The following CCDC3 variants were observed in gnomAD, a reference collection of about 807,000 sequenced individuals.
CCDC3 encodes coiled-coil domain-containing protein 3.
A neutral mutation model predicts 21.4 loss-of-function variants in CCDC3; 24 were observed. The ratio of observed to expected loss-of-function variants is 1.12; its 90% CI spans 0.81 to 1.58. The LOEUF is 1.58. Ranked by LOEUF, CCDC3 falls within the 40% of genes most tolerant of loss-of-function variation. CCDC3 has a pLI of 0.00. For missense variants in CCDC3, 425 were observed against 360.9 expected, an observed-to-expected ratio of 1.18 and a Z score of -1.44; for synonymous variants, 186 against 166.0, an observed-to-expected ratio of 1.12 and a Z score of -0.93.
intron 2 of CCDC3, among the ~76,000 whole-genome samples, chr10:12,958,368 G>A (rs1365964130): frequency 6.6e-6 from 1 of 152,112 alleles, no homozygotes; most frequent in Non-Finnish European, 1.5e-5. Flanking sequence ...AGCTGCAGGT[G>A]CCAAAAACCA....
intron 2 of CCDC3, among the ~76,000 whole-genome samples, chr10:12,924,224 T>C (rs927865471): frequency 2.0e-5 from 3 of 152,252 alleles, no homozygotes; most frequent in African/African-American, 7.2e-5. Context: ...ACTCTGTCTC[T>C]AAACCACTGA....
intron 2 of CCDC3, chr10:13,098,747 CA>C (rs1449905657): frequency 3.5e-5 from 3 of 86,558 alleles, no homozygotes; most frequent in African/African-American, 5.2e-5. Flanking sequence ...GACGGAGTCT[CA>C]CTCTGTCACC....
chr10:13,054,702 T>C (rs934293414), intron 4 of CCDC3, among the ~76,000 whole-genome samples: 47 of 152,088 alleles, frequency 3.1e-4, no homozygotes, highest in African/African-American at 1.1e-3. Flanking sequence ...AATTTCCCTC[T>C]TGTTGCCCAG....
chr10:12,927,521 TTTG>T (rs1407839434), intron 2 of CCDC3, among the ~76,000 whole-genome samples: 3 of 152,240 alleles, frequency 2.0e-5, no homozygotes, highest in Non-Finnish European at 4.4e-5. Context: ...TACAATATTT[TTTG>T]TTGTTTTTGT....
At chr10:12,968,636 G>C (rs1012951771) in intron 2 of CCDC3, among the ~76,000 whole-genome samples, 1 of 152,096 alleles carries the variant, frequency 6.6e-6, no homozygotes, top group African/African-American at 2.4e-5. Context: ...TTAGTATGAA[G>C]GTTAAAAGAT....
At chr10:12,943,966 T>C (rs1290373207) in intron 2 of CCDC3, among the ~76,000 whole-genome samples, 1 of 152,042 alleles carries the variant, frequency 6.6e-6, no homozygotes, top group African/African-American at 2.4e-5. Context: ...CAGGTTCCAC[T>C]GGCCTCATTT....
At chr10:13,066,305 C>T (rs557004218) in intron 4 of CCDC3, among the ~76,000 whole-genome samples, 1 of 152,296 alleles carries the variant, frequency 6.6e-6, no homozygotes, top group South Asian at 2.1e-4. Flanking sequence ...CACAGGTATG[C>T]ACCACCACGC....
At chr10:12,920,050 T>G (rs2131215151) in intron 2 of CCDC3, among the ~76,000 whole-genome samples, 1 of 152,264 alleles carries the variant, frequency 6.6e-6, no homozygotes, top group East Asian at 1.9e-4. Context: ...ACATGCTAAG[T>G]GCATTAGTCT....
At chr10:13,037,664 C>T (rs1836394720) in intron 5 of CCDC3, among the ~76,000 whole-genome samples, 2 of 152,120 alleles carry the variant, frequency 1.3e-5, no homozygotes, top group African/African-American at 4.8e-5. Context: ...CTTTGCCAGC[C>T]AAGATATCCA....
At chr10:12,900,720 C>G (rs1320897868) in intron 2 of CCDC3, among the ~76,000 whole-genome samples, 1 of 148,996 alleles carries the variant, frequency 6.7e-6, no homozygotes. Flanking sequence ...CAAACTCCAT[C>G]GAGCCCCACT....
At chr10:13,016,507 T>C (rs1805554194) in intron 5 of CCDC3, among the ~76,000 whole-genome samples, 1 of 152,036 alleles carries the variant, frequency 6.6e-6, no homozygotes, top group Non-Finnish European at 1.5e-5. Context: ...ATGTACAACG[T>C]AAATGTTAAC....
chr10:13,024,183 CG>C (rs1414985875), intron 5 of CCDC3, among the ~76,000 whole-genome samples: 1 of 151,874 alleles, frequency 6.6e-6, no homozygotes, highest in African/African-American at 2.4e-5. Context: ...AGAAGTTTGG[CG>C]GTCTTGAGGC....
intron 2 of CCDC3, among the ~76,000 whole-genome samples, chr10:12,992,397 CAA>C (rs2131281191): frequency 6.6e-6 from 1 of 151,636 alleles, no homozygotes; most frequent in African/African-American, 2.4e-5. Flanking sequence ...TCAAAAGAAA[CAA>C]AACAAAACAA....
At chr10:12,969,217 C>T (rs925935292) in intron 2 of CCDC3, among the ~76,000 whole-genome samples, 1 of 152,158 alleles carries the variant, frequency 6.6e-6, no homozygotes, top group Non-Finnish European at 1.5e-5. Flanking sequence ...CTCAACATCA[C>T]GAATCATCAG....
intron 2 of CCDC3, among the ~76,000 whole-genome samples, chr10:12,953,027 C>G (rs1198469840): frequency 6.6e-6 from 1 of 152,022 alleles, no homozygotes; most frequent in Non-Finnish European, 1.5e-5. Flanking sequence ...CCTGTTGGAC[C>G]CCGTATTAGG....
intron 2 of CCDC3, among the ~76,000 whole-genome samples, chr10:12,916,288 T>C (rs934231881): frequency 3.9e-5 from 6 of 152,002 alleles, no homozygotes; most frequent in East Asian, 1.9e-4. Flanking sequence ...AAAAATTAGC[T>C]GGGCATGGTG....
chr10:13,037,864 T>C (rs1554763499), intron 5 of CCDC3, among the ~76,000 whole-genome samples: 2 of 152,116 alleles, frequency 1.3e-5, no homozygotes, highest in African/African-American at 2.4e-5. Context: ...ACTGCCTTAG[T>C]TGGTGAAACT....
chr10:13,069,511 C>T (rs904306806), intron 4 of CCDC3, among the ~76,000 whole-genome samples: 1 of 152,108 alleles, frequency 6.6e-6, no homozygotes, highest in East Asian at 1.9e-4. Context: ...TATTTCATAA[C>T]ATCAGGTGTT....
intron 2 of CCDC3, among the ~76,000 whole-genome samples, chr10:12,931,781 C>A (rs1423643253): frequency 1.3e-5 from 2 of 152,166 alleles, no homozygotes; most frequent in Admixed American, 6.5e-5. Context: ...AGCCAGAGAT[C>A]CTAAACTGTC....
Sources: gnomAD v4.1 joint callset for allele counts (sites outside exome capture counted in the v4.1 genomes callset) on GRCh38, gnomAD v4.1.1 for gene constraint, MANE v1.5 for transcripts, NCBI Gene and HGNC (gene_info 2026-07-23, HGNC 2026-07-21) for gene names.